Variants in SAP130 observed in about 807,000 individuals in gnomAD.
The protein encoded by SAP130 is histone deacetylase complex subunit SAP130.
SAP130 carries 16 observed loss-of-function variants against 103.2 expected under a neutral mutation model. The ratio of observed to expected loss-of-function variants is 0.16; its 90% CI spans 0.10 to 0.24. The LOEUF is 0.24. Among genes scored for constraint, SAP130 ranks in the 10% least tolerant of loss-of-function variants. The pLI is 1.00. For missense variants in SAP130, 990 were observed against 1,359.7 expected, an observed-to-expected ratio of 0.73 and a Z score of 4.28; for synonymous variants, 477 against 497.0, an observed-to-expected ratio of 0.96 and a Z score of 0.53.
At chr2:127,993,389 T>C (rs999563440) in intron 11 of SAP130, 81 bp from the exon 12 acceptor site, 2 of 1,445,648 alleles carry the variant, frequency 1.4e-6, no homozygotes, top group Non-Finnish European at 1.8e-6. Flanking sequence ...CAGTTCCTCT[T>C]TGTGTCCTTC....
At chr2:127,957,073 G>A (rs1368833925) in intron 15 of SAP130, among the ~76,000 whole-genome samples, 3 of 152,182 alleles carry the variant, frequency 2.0e-5, no homozygotes, top group Admixed American at 6.5e-5. Context: ...AGCTGAGGCG[G>A]AAGAATCATC....
chr2:127,997,271 C>T (rs1374787401), intron 10 of SAP130, among the ~76,000 whole-genome samples: 1 of 152,198 alleles, frequency 6.6e-6, no homozygotes, highest in Non-Finnish European at 1.5e-5. Flanking sequence ...ACACTTGACA[C>T]TATTTTTTAT....
chr2:127,962,219 T>A (rs1375815982), intron 15 of SAP130, among the ~76,000 whole-genome samples: 1 of 152,138 alleles, frequency 6.6e-6, no homozygotes, highest in African/African-American at 2.4e-5. Flanking sequence ...GTATGAAAGG[T>A]AAACGTTGAT....
intron 14 of SAP130, among the ~76,000 whole-genome samples, chr2:127,984,849 A>C (rs995405418): frequency 2.0e-5 from 3 of 152,208 alleles, no homozygotes; most frequent in African/African-American, 7.2e-5. Flanking sequence ...GGGGCAGTAC[A>C]CCACATGGCA....
rs537744135 is a variant in SAP130, at chr2:128,027,073, G to C, written c.-6-775C>G. Reference sequence around the variant, plus strand: ...CGATCTGGGGACCCGACCACAAGACGAGCACTGTGCCTCTTTACCTGTAGC... The same window carrying C: ...CGATCTGGGGACCCGACCACAAGACCAGCACTGTGCCTCTTTACCTGTAGC... On this transcript the variant is annotated intron_variant, in intron 1 of 20. Transcript: ENST00000643581. The C allele has an allele frequency of 7.7e-5, 110 of 1,436,144 alleles. 1 individual carries two copies. In the East Asian group the frequency reaches 2.2e-3, roughly 29 times the overall value. 89.0% of individuals were successfully genotyped at this position (1,436,144 alleles called of 1,614,324 possible). A position where few individuals can be genotyped will look rare whatever the true frequency, so the allele number is the denominator to read the frequency against.
intron 7 of SAP130, among the ~76,000 whole-genome samples, chr2:128,008,686 T>C (rs1684158255): frequency 6.7e-6 from 1 of 149,002 alleles, no homozygotes; most frequent in Non-Finnish European, 1.5e-5. Flanking sequence ...CCTTTTCCTG[T>C]TTGTTTTTTT....
chr2:128,007,591 C>A (rs1368126319), intron 7 of SAP130, among the ~76,000 whole-genome samples: 1 of 152,134 alleles, frequency 6.6e-6, no homozygotes, highest in Admixed American at 6.6e-5. Context: ...TCTCTTTGTA[C>A]CTCAGGCAAC....
chr2:127,992,979 A>C (rs1169187709), intron 12 of SAP130, among the ~76,000 whole-genome samples: 2 of 152,230 alleles, frequency 1.3e-5, no homozygotes, highest in African/African-American at 4.8e-5. Flanking sequence ...AGGGTGGCAT[A>C]ATACTATGCA....
rs1685184205 is a variant in SAP130 at position 128,021,850 on chromosome 2, C to T, written c.113-3935G>A. ...TCACTGTAGTTTTAATTAGCATTTC[C>T]ATGATGACTAGTAATGTTGAACATC... On this transcript the variant is annotated intron_variant, in intron 2 of 20. Transcript: ENST00000643581. Among the ~76,000 whole-genome samples, 4 of 152,294 alleles carry T rather than the reference C, an allele frequency of 2.6e-5. No homozygotes were observed. The South Asian group carries it at 8.3e-4, about 32-fold the overall frequency.
Position 128,017,831 on chromosome 2 carries a change from T to G in SAP130, c.197A>C (p.Lys66Thr). Residue 66 changes from lysine to threonine, a missense_variant, in exon 3 of 21, where the codon AAG becomes ACG. Lys to Thr is a moderately conservative substitution (Grantham distance 78, BLOSUM62 -1). Coordinates refer to ENST00000643581, the MANE Select transcript of SAP130 (RefSeq NM_001330301.2). Reference sequence around the variant, plus strand: ...GGGCCTTACCACAACAGGCTCTTGCTTCTCCTCCCGGGACTGGAGGGAGCT... The same window carrying G: ...GGGCCTTACCACAACAGGCTCTTGCGTCTCCTCCCGGGACTGGAGGGAGCT... ...SSSSLQSREE[K>T]QEPVVVRPYP... 2 of 1,614,262 alleles carry G rather than the reference T, an allele frequency of 1.2e-6. No homozygotes were observed. The highest frequency in any genetic ancestry group is 1.7e-6 in the Non-Finnish European group (2 of 1,180,054).
At chr2:127,945,604 A>C in intron 18 of SAP130, 45 bp from the exon 19 acceptor site, 1 of 1,175,598 alleles carries the variant, frequency 8.5e-7, no homozygotes, top group Non-Finnish European at 1.3e-6. Flanking sequence ...AGTGTTTAAA[A>C]AGGTAAATGA....
intron 16 of SAP130, among the ~76,000 whole-genome samples, chr2:127,951,552 C>T (rs1679495329): frequency 6.6e-6 from 1 of 152,188 alleles, no homozygotes; most frequent in East Asian, 1.9e-4. Flanking sequence ...CATGTTCCTG[C>T]AGTCACTCAT....
intron 2 of SAP130, 43 bp from the exon 3 acceptor site, chr2:128,017,958 CA>C: frequency 6.6e-7 from 1 of 1,505,154 alleles, no homozygotes; most frequent in Non-Finnish European, 9.2e-7. Flanking sequence ...CACAGTCTCC[CA>C]GTGTAAGATA....
chr2:127,998,347 C>T (rs1262332297), intron 10 of SAP130, among the ~76,000 whole-genome samples: 2 of 152,124 alleles, frequency 1.3e-5, no homozygotes, highest in South Asian at 2.1e-4. Context: ...AAACCTTATA[C>T]TTGTGATTTA....
At chr2:128,002,273 G>A (rs527526232) in intron 7 of SAP130, among the ~76,000 whole-genome samples, 1 of 152,254 alleles carries the variant, frequency 6.6e-6, no homozygotes, top group South Asian at 2.1e-4. Context: ...AACAGGTGGT[G>A]GCTCACGTCT....
intron 14 of SAP130, among the ~76,000 whole-genome samples, chr2:127,980,485 C>T (rs1681786739): frequency 6.6e-6 from 1 of 152,094 alleles, no homozygotes; most frequent in African/African-American, 2.4e-5. Flanking sequence ...AAAACAAGCA[C>T]ACCCTATGAC....
chr2:127,965,238 G>C (rs529255566), intron 15 of SAP130, among the ~76,000 whole-genome samples: 1 of 150,282 alleles, frequency 6.7e-6, no homozygotes, highest in African/African-American at 2.4e-5. Context: ...CAGAGGTTGT[G>C]GTGAGCCGAG....
In SAP130 at chr2:128,010,398, CAA is replaced by C; in HGVS notation, c.745-7_745-6del. 8 of 1,601,764 alleles carry C rather than the reference CAA, an allele frequency of 5.0e-6. No homozygotes were observed. The highest frequency in any genetic ancestry group is 5.1e-6 in the Non-Finnish European group (6 of 1,175,668). ...GGTGGTCACAGGTGGCCGAGACTAC[CAA>C]AAGAGAAAAAACAGTTCATTTAAAA... On this transcript the variant is annotated splice_region_variant and splice_polypyrimidine_tract_variant and intron_variant, in intron 6 of 20. Coordinates refer to ENST00000643581, the MANE Select transcript of SAP130 (RefSeq NM_001330301.2).
intron 7 of SAP130, 89 bp downstream of exon 7, chr2:128,010,179 TA>T: frequency 7.3e-7 from 1 of 1,365,532 alleles, no homozygotes; most frequent in Non-Finnish European, 9.9e-7. Flanking sequence ...AGCCACTCAA[TA>T]AATATTTACT....
Sources: allele counts gnomAD v4.1 joint callset (sites outside exome capture counted in the v4.1 genomes callset), GRCh38; gene constraint gnomAD v4.1.1; transcripts MANE v1.5; gene names NCBI Gene and HGNC (gene_info 2026-07-23, HGNC 2026-07-21).